The following CDC73 variants were observed in gnomAD, a reference collection of about 807,000 sequenced individuals.
CDC73 encodes parafibromin.
CDC73 carries 21 observed loss-of-function variants against 83.7 expected under a neutral mutation model. That is an observed-to-expected ratio of 0.25 (90% CI 0.18 to 0.36). The LOEUF (loss-of-function observed/expected upper bound fraction) is 0.36, where lower values mean the gene tolerates loss of function less well. CDC73 is among the 10% of genes least tolerant of loss of function. CDC73 has a pLI of 1.00. For missense variants in CDC73, 342 were observed against 653.3 expected, an observed-to-expected ratio of 0.52 and a Z score of 5.19; for synonymous variants, 224 against 212.9, an observed-to-expected ratio of 1.05 and a Z score of -0.45.
At chr1:193,161,203 TC>T (rs2103140525) in intron 10 of CDC73, 1 of 177,802 alleles carries the variant, frequency 5.6e-6, no homozygotes, top group East Asian at 9.5e-5. Context: ...GAGTGACTGT[TC>T]CCATGTTTTT....
intron 10 of CDC73, among the ~76,000 whole-genome samples, chr1:193,153,203 A>C (rs1032851814): frequency 9.9e-5 from 15 of 152,132 alleles, no homozygotes; most frequent in African/African-American, 2.9e-4. Flanking sequence ...ATGTTTAGCA[A>C]ACTTTCTTTT....
chr1:193,160,474 T>C (rs1015770347), intron 10 of CDC73, among the ~76,000 whole-genome samples: 14 of 152,100 alleles, frequency 9.2e-5, no homozygotes, highest in South Asian at 2.1e-4. Context: ...TATTCTCTTA[T>C]AGTTTAGTAT....
rs1454011454 is a variant in CDC73 at position 193,212,490 on chromosome 1, T to C, written c.1154+13T>C. The C allele has an allele frequency of 1.4e-6, 2 of 1,410,288 alleles. No homozygotes were observed. Among genetic ancestry groups the C allele is most frequent in the Admixed American group, 3.4e-5 (2 of 59,588 alleles). 87.4% of individuals were successfully genotyped at this position (1,410,288 alleles called of 1,614,324 possible). Reference sequence around the variant, plus strand: ...TACAGGACCTGAAGTAAGTAATTTATTAAACTATCCTGTACGTAGGATATT... The same window carrying C: ...TACAGGACCTGAAGTAAGTAATTTACTAAACTATCCTGTACGTAGGATATT... On this transcript the variant is annotated intron_variant, in intron 13 of 16. Transcript: ENST00000367435.
intron 14 of CDC73, among the ~76,000 whole-genome samples, chr1:193,234,099 T>C (rs1029693344): frequency 2.0e-5 from 3 of 148,018 alleles, no homozygotes; most frequent in African/African-American, 5.0e-5. Flanking sequence ...CAGTATCTTA[T>C]AGAGTAGTAG....
At chr1:193,131,855 C>T (rs1465647342) in intron 3 of CDC73, among the ~76,000 whole-genome samples, 1 of 152,266 alleles carries the variant, frequency 6.6e-6, no homozygotes, top group African/African-American at 2.4e-5. Flanking sequence ...GTATTCCTTT[C>T]CTCCTTCTGT....
intron 2 of CDC73, among the ~76,000 whole-genome samples, chr1:193,126,125 A>G (rs1377752500): frequency 1.3e-5 from 2 of 152,106 alleles, no homozygotes; most frequent in African/African-American, 4.8e-5. Context: ...CGCTAAAAGT[A>G]TTTATAGAGA....
Position 193,134,934 on chromosome 1 carries a change from T to A in CDC73, c.308-457T>A, listed in dbSNP as rs1675763418. On this transcript the variant is annotated intron_variant, in intron 3 of 16. Transcript: ENST00000367435. ...CCTTTTTGTTGAGCCATTCAAAAAT[T>A]AAGTAATTTAATTTTAAAAATAATT... Among the ~76,000 whole-genome samples, 3 of 152,280 alleles carry A rather than the reference T, an allele frequency of 2.0e-5. No individual in the cohort carries two copies. In the South Asian group the frequency reaches 6.2e-4, roughly 32 times the overall value.
rs894987430 is a variant in CDC73, at chr1:193,148,639, A to ATTTTTTT, written c.828+694_828+700dup. ...AGATTCTATAAATAGAAAATTTATA[A>ATTTTTTT]TTTTTTTTTTTTTTTTTTTTTTTTT... is the stretch of plus-strand genomic sequence containing the variant. On this transcript the variant is annotated intron_variant, in intron 8 of 16. Coordinates refer to ENST00000367435, the MANE Select transcript of CDC73 (RefSeq NM_024529.5). Among the ~76,000 whole-genome samples, 52 of 113,682 alleles carry ATTTTTTT rather than the reference A, an allele frequency of 4.6e-4. 2 individuals are homozygous for ATTTTTTT. The highest frequency in any genetic ancestry group is 1.8e-3 in the African/African-American group (51 of 28,984). The allele number at this position is 113,682 out of a possible 152,430, so 74.6% of individuals were successfully genotyped here.
chr1:193,200,453 C>T (rs1015678956), intron 10 of CDC73, among the ~76,000 whole-genome samples: 1 of 152,146 alleles, frequency 6.6e-6, no homozygotes, highest in African/African-American at 2.4e-5. Flanking sequence ...AAACAGCATA[C>T]TTTGTTTTGT....
At chr1:193,234,287 ATAT>A (rs1383673284) in intron 14 of CDC73, among the ~76,000 whole-genome samples, 5 of 86,776 alleles carry the variant, frequency 5.8e-5, no homozygotes, top group Non-Finnish European at 9.7e-5. Flanking sequence ...TATAATATAC[ATAT>A]TATATATATA....
chr1:193,141,909 C>G lies in CDC73; in HGVS notation c.572C>G (p.Ala191Gly). Reference protein sequence around the residue: ...KIAAIKAKIMAKKRSTIKTDL... With the variant: ...KIAAIKAKIMGKKRSTIKTDL... ...GCTGCAATCAAAGCCAAAATTATGG[C>G]TAAGAAAAGATCTACTATCAAGACT... The change falls in exon 7 of 17, where the codon GCT (alanine) becomes GGT (glycine). Residue 191 changes from alanine (A) to glycine (G), a missense_variant. Transcript: ENST00000367435. 1 of 1,613,684 alleles carries G rather than the reference C, an allele frequency of 6.2e-7. No individual in the cohort carries two copies. The highest frequency in any genetic ancestry group is 8.5e-7 in the Non-Finnish European group (1 of 1,179,776).
chr1:193,130,328 T>C, intron 3 of CDC73, 85 bp downstream of exon 3: 1 of 908,908 alleles, frequency 1.1e-6, no homozygotes, highest in Admixed American at 1.8e-5. Flanking sequence ...GGGAAGAGAA[T>C]TTGTATTTCC....
At chr1:193,126,263 C>G (rs1236602204) in intron 2 of CDC73, among the ~76,000 whole-genome samples, 1 of 152,170 alleles carries the variant, frequency 6.6e-6, no homozygotes, top group East Asian at 1.9e-4. Context: ...GTTTCTTAAT[C>G]AGTTTTGTGC....
intron 7 of CDC73, among the ~76,000 whole-genome samples, chr1:193,143,239 A>G (rs1314174930): frequency 6.6e-6 from 1 of 152,190 alleles, no homozygotes; most frequent in Non-Finnish European, 1.5e-5. Flanking sequence ...TTATAGAGAA[A>G]TCTGAGGATG....
intron 5 of CDC73, among the ~76,000 whole-genome samples, chr1:193,135,975 C>CT (rs1265084722): frequency 1.3e-5 from 2 of 150,288 alleles, no homozygotes; most frequent in African/African-American, 2.5e-5. Flanking sequence ...TTTAAGTGAT[C>CT]CCCCCACCTC....
chr1:193,220,241 A>C lies in CDC73; in HGVS notation c.1154+7764A>C, dbSNP rs190217473. ...GAGTGCAGTGGTGCGATCTTGGCTC[A>C]CTGTAACCTCCACCTCCCGGGTTCA... On this transcript the variant is annotated intron_variant, in intron 13 of 16. Transcript: ENST00000367435. 1.5e-3 allele frequency among the ~76,000 whole-genome samples: 197 copies of C among 133,454 alleles called. 1 individual carries two copies. The highest frequency in any genetic ancestry group is 5.5e-3 in the African/African-American group (191 of 34,552). 87.6% of individuals were successfully genotyped at this position (133,454 alleles called of 152,430 possible). A position where few individuals can be genotyped will look rare whatever the true frequency, so the allele number is the denominator to read the frequency against.
intron 10 of CDC73, among the ~76,000 whole-genome samples, chr1:193,190,183 A>G (rs1676894502): frequency 1.3e-5 from 2 of 152,218 alleles, no homozygotes; most frequent in Admixed American, 1.3e-4. Flanking sequence ...GATCAGGTAT[A>G]ATTTCCACCA....
intron 10 of CDC73, among the ~76,000 whole-genome samples, chr1:193,200,008 C>T (rs922268242): frequency 4.0e-5 from 6 of 150,766 alleles, no homozygotes; most frequent in Non-Finnish European, 4.4e-5. Flanking sequence ...CTTTGGGAGA[C>T]TTGAGCTCAG....
intron 1 of CDC73, 74 bp downstream of exon 1, chr1:193,122,405 C>T (rs1023316608): frequency 8.8e-6 from 14 of 1,594,776 alleles, no homozygotes; most frequent in African/African-American, 4.0e-5. Flanking sequence ...CTTTCTTAAC[C>T]CCTCCCCCCG....
Sources: allele counts gnomAD v4.1 joint callset (sites outside exome capture counted in the v4.1 genomes callset), GRCh38; gene constraint gnomAD v4.1.1; transcripts MANE v1.5; gene names NCBI Gene and HGNC (gene_info 2026-07-23, HGNC 2026-07-21).